The following MAP4K4 variants were observed in gnomAD, a reference collection of about 807,000 sequenced individuals.
The protein encoded by MAP4K4 is mitogen-activated protein kinase kinase kinase kinase 4.
A neutral mutation model predicts 189.6 loss-of-function variants in MAP4K4; 38 were observed. The observed-to-expected ratio is 0.20, with a 90% CI of 0.15 to 0.26. MAP4K4 has a LOEUF of 0.26. Among genes scored for constraint, MAP4K4 ranks in the 10% least tolerant of loss-of-function variants. MAP4K4 has a pLI of 1.00. For synonymous variants in MAP4K4, 610 were observed against 624.3 expected, an observed-to-expected ratio of 0.98 and a Z score of 0.34; for missense variants, 1,054 against 1,726.9, an observed-to-expected ratio of 0.61 and a Z score of 6.91.
At chr2:101,776,584 C>G (rs1419039189) in intron 2 of MAP4K4, among the ~76,000 whole-genome samples, 1 of 116,110 alleles carries the variant, frequency 8.6e-6, no homozygotes, top group Non-Finnish European at 1.7e-5. Context: ...CCCCCCACCC[C>G]CCCAAAAAAA....
At chr2:101,851,866 G>C (rs955419357) in intron 12 of MAP4K4, among the ~76,000 whole-genome samples, 1 of 149,936 alleles carries the variant, frequency 6.7e-6, no homozygotes, top group Non-Finnish European at 1.5e-5. Context: ...TTTTTTAAAG[G>C]TATGTGACTC....
intron 2 of MAP4K4, among the ~76,000 whole-genome samples, chr2:101,772,274 C>A (rs1057511509): frequency 1.6e-4 from 25 of 152,154 alleles, no homozygotes; most frequent in Non-Finnish European, 3.5e-4. Context: ...CAATTGTCTC[C>A]CCAGGTGTCC....
intron 2 of MAP4K4, among the ~76,000 whole-genome samples, chr2:101,710,951 C>G (rs578049552): frequency 6.6e-6 from 1 of 152,278 alleles, no homozygotes; most frequent in Admixed American, 6.5e-5. Flanking sequence ...GCCTTGCCTC[C>G]TACATCTGCA....
chr2:101,887,284 G>A (rs368092324), intron 30 of MAP4K4, 47 bp downstream of exon 30: 8 of 1,566,722 alleles, frequency 5.1e-6, no homozygotes, highest in Middle Eastern at 4.2e-4. Context: ...GCTTCATTTT[G>A]TTTTGACTTT....
intron 12 of MAP4K4, among the ~76,000 whole-genome samples, chr2:101,855,407 G>C (rs1357485943): frequency 2.0e-5 from 3 of 152,122 alleles, no homozygotes; most frequent in Non-Finnish European, 4.4e-5. Flanking sequence ...AAAGTAAGTG[G>C]AATAGAAATA....
At chr2:101,768,869 G>A (rs949750867) in intron 2 of MAP4K4, among the ~76,000 whole-genome samples, 2 of 152,160 alleles carry the variant, frequency 1.3e-5, no homozygotes, top group African/African-American at 2.4e-5. Context: ...TATTTGCTCC[G>A]TGGTGAAAAG....
chr2:101,843,168 A>G lies in MAP4K4; in HGVS notation c.1022+487A>G, dbSNP rs181706585. Among the ~76,000 whole-genome samples the G allele has an allele frequency of 5.0e-3, 761 of 152,332 alleles. 6 individuals carry two copies. The highest frequency in any genetic ancestry group is 0.017 in the Middle Eastern group (5 of 294). The stretch of plus-strand genomic sequence containing the variant: ...AAGGTTAAGGAGTCAGATGGGTTAC[A>G]TGAACCTCATAATAACTGATGAATC... On this transcript the variant is annotated intron_variant, in intron 11 of 32. Transcript: ENST00000324219.
Position 101,887,261 on chromosome 2 carries a change from G to A in MAP4K4, c.3771+24G>A, listed in dbSNP as rs1387525407. The A allele has an allele frequency of 2.5e-6, 4 of 1,587,094 alleles. No homozygotes were observed. The South Asian group carries it at 3.5e-5, about 14-fold the overall frequency. On this transcript the variant is annotated intron_variant, in intron 30 of 32. Coordinates refer to ENST00000324219, the Ensembl canonical transcript of MAP4K4. ...ATGTAAGAAAGAACCCACACTCTATGGTTGGTTGACTGGCTTCATTTTGTT... is the reference window on the plus strand; with the variant it reads ...ATGTAAGAAAGAACCCACACTCTATAGTTGGTTGACTGGCTTCATTTTGTT...
intron 2 of MAP4K4, among the ~76,000 whole-genome samples, chr2:101,785,050 G>A (rs1345640270): frequency 6.6e-6 from 1 of 152,188 alleles, no homozygotes; most frequent in African/African-American, 2.4e-5. Context: ...CCTCAGGACT[G>A]TAATGCTCTC....
chr2:101,787,456 C>T (rs1267312112), intron 2 of MAP4K4, among the ~76,000 whole-genome samples: 1 of 152,072 alleles, frequency 6.6e-6, no homozygotes, highest in African/African-American at 2.4e-5. Context: ...GGTCGTGTGT[C>T]GTAGCTAAAG....
chr2:101,875,694 A>T (rs1002653102), intron 26 of MAP4K4, among the ~76,000 whole-genome samples: 1 of 152,178 alleles, frequency 6.6e-6, no homozygotes, highest in Non-Finnish European at 1.5e-5. Context: ...TATGTGCCCA[A>T]TTCCCTAGGA....
intron 2 of MAP4K4, among the ~76,000 whole-genome samples, chr2:101,740,160 T>TTC (rs1553410885): frequency 2.6e-5 from 3 of 114,664 alleles, no homozygotes; most frequent in Non-Finnish European, 4.8e-5. Flanking sequence ...TCTTTTTTTT[T>TTC]TTTTTTTTTT....
At chr2:101,785,226 G>A (rs1263105140) in intron 2 of MAP4K4, among the ~76,000 whole-genome samples, 1 of 152,160 alleles carries the variant, frequency 6.6e-6, no homozygotes, top group Non-Finnish European at 1.5e-5. Context: ...GGCTGTATGA[G>A]TACAAAAGTT....
At chr2:101,804,201 A>T (rs566223263) in intron 3 of MAP4K4, among the ~76,000 whole-genome samples, 1 of 152,260 alleles carries the variant, frequency 6.6e-6, no homozygotes, top group South Asian at 2.1e-4. Flanking sequence ...GGGAACCCAG[A>T]TTATATTTTG....
intron 27 of MAP4K4, among the ~76,000 whole-genome samples, chr2:101,877,836 G>A (rs1358400359): frequency 2.0e-5 from 3 of 151,768 alleles, no homozygotes; most frequent in African/African-American, 4.8e-5. Flanking sequence ...TGCAAGCTCC[G>A]TCTCCCAGGT....
At chr2:101,822,051 A>G (rs2096088009) in intron 3 of MAP4K4, among the ~76,000 whole-genome samples, 1 of 152,188 alleles carries the variant, frequency 6.6e-6, no homozygotes, top group South Asian at 2.1e-4. Context: ...GTCATCTCCT[A>G]TAATAACAAT....
intron 2 of MAP4K4, among the ~76,000 whole-genome samples, chr2:101,718,662 G>A (rs980363635): frequency 1.3e-5 from 2 of 151,486 alleles, no homozygotes; most frequent in Admixed American, 6.6e-5. Context: ...GGCAAAGGAG[G>A]TGCTGAGAGG....
intron 27 of MAP4K4, among the ~76,000 whole-genome samples, chr2:101,879,195 CAAAAAAA>C (rs61482872): frequency 7.4e-5 from 5 of 67,446 alleles, no homozygotes; most frequent in Non-Finnish European, 1.1e-4. Flanking sequence ...AGCCTGTCTC[CAAAAAAA>C]AAAAAAAAAA....
At chr2:101,796,520 C>T (rs775698478) in intron 3 of MAP4K4, among the ~76,000 whole-genome samples, 7 of 152,172 alleles carry the variant, frequency 4.6e-5, no homozygotes, top group Non-Finnish European at 1.0e-4. Context: ...CTTTGATTCC[C>T]TACTTACTGT....
Sources: allele counts gnomAD v4.1 joint callset (sites outside exome capture counted in the v4.1 genomes callset), GRCh38; gene constraint gnomAD v4.1.1; transcripts MANE v1.5; gene names NCBI Gene and HGNC (gene_info 2026-07-23, HGNC 2026-07-21).